PDE7A: variants seen among roughly 807,000 people sequenced by gnomAD.
The protein encoded by PDE7A is phosphodiesterase 7A.
In PDE7A, 39 loss-of-function variants were observed where a neutral mutation model predicts 64.3. The observed-to-expected ratio is 0.61, with a 90% CI of 0.47 to 0.79. The LOEUF (loss-of-function observed/expected upper bound fraction) is 0.79. PDE7A is among the 30% of genes least tolerant of loss of function. PDE7A has a pLI of 0.00. For missense variants in PDE7A, 470 were observed against 582.8 expected (o/e 0.81, Z 1.99); for synonymous variants, 203 against 206.8 (o/e 0.98, Z 0.16).
intron 1 of PDE7A, among the ~76,000 whole-genome samples, chr8:65,792,316 T>C (rs1809723035): frequency 6.6e-6 from 1 of 152,244 alleles, no homozygotes; most frequent in Non-Finnish European, 1.5e-5. Flanking sequence ...ATAAGGCTAA[T>C]ATCAGAAAAG....
intron 6 of PDE7A, among the ~76,000 whole-genome samples, 200 bp downstream of exon 6, chr8:65,739,302 G>A (rs1807296441): frequency 6.6e-6 from 1 of 152,140 alleles, no homozygotes; most frequent in South Asian, 2.1e-4. Context: ...GTGCACAAAT[G>A]AGCTCACCCA....
At chr8:65,788,994 GA>G in intron 1 of PDE7A, 1 of 1,601,780 alleles carries the variant, frequency 6.2e-7, no homozygotes, top group Non-Finnish European at 8.5e-7. Context: ...AGGGAGCAAG[GA>G]AAACTTCTTA....
At chr8:65,734,272 C>G (rs933546867) in intron 7 of PDE7A, among the ~76,000 whole-genome samples, 2 of 152,176 alleles carry the variant, frequency 1.3e-5, no homozygotes, top group African/African-American at 4.8e-5. Flanking sequence ...CATTCACCAC[C>G]ACATCCTGTT....
intron 3 of PDE7A, among the ~76,000 whole-genome samples, chr8:65,767,466 C>G (rs1307317075): frequency 6.6e-6 from 1 of 152,220 alleles, no homozygotes; most frequent in African/African-American, 2.4e-5. Context: ...TTGTTACAGT[C>G]TTTTATTAAA....
chr8:65,750,474 CTGTGTGTG>C (rs371620919), intron 3 of PDE7A, among the ~76,000 whole-genome samples: 2 of 142,626 alleles, frequency 1.4e-5, no homozygotes, highest in African/African-American at 2.6e-5. Flanking sequence ...ATTAGAATCA[CTGTGTGTG>C]TGTGTGTGTG....
At chr8:65,775,145 C>T (rs190878056) in intron 3 of PDE7A, among the ~76,000 whole-genome samples, 45 of 152,200 alleles carry the variant, frequency 3.0e-4, no homozygotes, top group African/African-American at 9.6e-4. Context: ...GTGTTTTCCC[C>T]TCTTAGTTTT....
chr8:65,810,826 T>C (rs981293384), intron 1 of PDE7A, among the ~76,000 whole-genome samples: 2 of 152,270 alleles, frequency 1.3e-5, no homozygotes, highest in African/African-American at 2.4e-5. Flanking sequence ...AAGGTAAAAC[T>C]GTTATTTGCA....
At chr8:65,746,406 T>TA (rs1463288946) in intron 4 of PDE7A, among the ~76,000 whole-genome samples, 3 of 152,106 alleles carry the variant, frequency 2.0e-5, no homozygotes, top group Non-Finnish European at 4.4e-5. Flanking sequence ...ATTCAGTTTT[T>TA]AAAAAAACAC....
intron 1 of PDE7A, among the ~76,000 whole-genome samples, chr8:65,834,265 G>A (rs1006149447): frequency 2.0e-5 from 3 of 152,058 alleles, no homozygotes; most frequent in African/African-American, 7.2e-5. Flanking sequence ...TTAATGAATA[G>A]CAAACTCTTA....
intron 2 of PDE7A, among the ~76,000 whole-genome samples, chr8:65,781,138 G>A (rs747111017): frequency 2.4e-4 from 37 of 152,222 alleles, no homozygotes; most frequent in Non-Finnish European, 5.0e-4. Context: ...CGAGAGAGGA[G>A]CAGGGGAGGG....
chr8:65,764,986 G>A (rs1454505322), intron 3 of PDE7A, among the ~76,000 whole-genome samples: 2 of 152,150 alleles, frequency 1.3e-5, no homozygotes, highest in Non-Finnish European at 2.9e-5. Context: ...CTAACTGTAG[G>A]AGATACACAG....
intron 7 of PDE7A, among the ~76,000 whole-genome samples, chr8:65,731,304 G>A (rs1035960016): frequency 2.6e-5 from 4 of 152,124 alleles, no homozygotes; most frequent in East Asian, 3.8e-4. Context: ...GGAAGGATGC[G>A]GGGGCCAGGG....
chr8:65,791,169 G>GT (rs755191018), intron 1 of PDE7A, among the ~76,000 whole-genome samples: 1 of 152,188 alleles, frequency 6.6e-6, no homozygotes, highest in Admixed American at 6.5e-5. Flanking sequence ...AAAAGAGGAA[G>GT]TAAGAAAGGC....
intron 3 of PDE7A, among the ~76,000 whole-genome samples, chr8:65,772,861 A>C (rs1273682770): frequency 6.6e-6 from 1 of 152,118 alleles, no homozygotes; most frequent in Non-Finnish European, 1.5e-5. Flanking sequence ...AAAAAAAATT[A>C]GCCAGGTGTG....
At chr8:65,787,694 G>T (rs890458836) in intron 1 of PDE7A, among the ~76,000 whole-genome samples, 1 of 151,712 alleles carries the variant, frequency 6.6e-6, no homozygotes, top group Non-Finnish European at 1.5e-5. Context: ...TCACATCTCA[G>T]TTCTTTGGAA....
intron 1 of PDE7A, chr8:65,788,774 A>G (rs1447398505): frequency 3.5e-5 from 24 of 681,698 alleles, no homozygotes. Context: ...TCTTTTAATC[A>G]GAGAATAAAA....
At chr8:65,811,274 C>T (rs1810255414) in intron 1 of PDE7A, among the ~76,000 whole-genome samples, 1 of 152,124 alleles carries the variant, frequency 6.6e-6, no homozygotes, top group African/African-American at 2.4e-5. Flanking sequence ...GGGTGCAGCA[C>T]CCAGGGGCTA....
chr8:65,838,502 A>G (rs1239613441), intron 1 of PDE7A: 2 of 152,210 alleles, frequency 1.3e-5, no homozygotes, highest in African/African-American at 4.8e-5. Flanking sequence ...CTGGTGTTCC[A>G]TCCACATAAA....
At chr8:65,824,325 A>T (rs1810615103) in intron 1 of PDE7A, among the ~76,000 whole-genome samples, 1 of 152,174 alleles carries the variant, frequency 6.6e-6, no homozygotes, top group Middle Eastern at 3.2e-3. Context: ...CTTCTTACTG[A>T]TGAGCAAAGA....
Sources: allele counts gnomAD v4.1 joint callset (sites outside exome capture counted in the v4.1 genomes callset), GRCh38; gene constraint gnomAD v4.1.1; transcripts MANE v1.5; gene names NCBI Gene and HGNC (gene_info 2026-07-23, HGNC 2026-07-21).